PLCL1: variants seen among roughly 807,000 people sequenced by gnomAD.
The protein encoded by PLCL1 is phospholipase C like 1 (inactive), also known as inactive phospholipase C-like protein 1.
In PLCL1, 41 loss-of-function variants were observed where a neutral mutation model predicts 84.4. That is an observed-to-expected ratio of 0.49 (90% CI 0.38 to 0.63). PLCL1 has a LOEUF of 0.63. Among genes scored for constraint, PLCL1 ranks in the 30% least tolerant of loss-of-function variants. The pLI is 0.00. For missense variants in PLCL1, 1,206 were observed against 1,367.8 expected, an observed-to-expected ratio of 0.88 and a Z score of 1.87; for synonymous variants, 490 against 488.3, an observed-to-expected ratio of 1.00 and a Z score of -0.05.
intron 5 of PLCL1, among the ~76,000 whole-genome samples, chr2:198,128,609 G>A (rs1393407704): frequency 6.6e-6 from 1 of 152,074 alleles, no homozygotes; most frequent in African/African-American, 2.4e-5. Flanking sequence ...TCAAGTGCAG[G>A]GTCTGCAAAA....
At chr2:197,826,886 G>A (rs533333305) in intron 1 of PLCL1, among the ~76,000 whole-genome samples, 52 of 152,220 alleles carry the variant, frequency 3.4e-4, no homozygotes, top group African/African-American at 1.2e-3. Context: ...TTTCCTTCTC[G>A]TTTTTCATCT....
chr2:197,911,073 A>C (rs1688475910), intron 1 of PLCL1, among the ~76,000 whole-genome samples: 1 of 152,178 alleles, frequency 6.6e-6, no homozygotes, highest in Admixed American at 6.5e-5. Flanking sequence ...ACACTGATTC[A>C]GTCATCTTTT....
chr2:197,881,521 CTG>C (rs112582985), intron 1 of PLCL1, among the ~76,000 whole-genome samples: 98 of 150,976 alleles, frequency 6.5e-4, no homozygotes, highest in African/African-American at 2.2e-3. Flanking sequence ...GAACAGTGCT[CTG>C]TGTGTGTGTG....
At chr2:197,885,429 G>T (rs1277778186) in intron 1 of PLCL1, among the ~76,000 whole-genome samples, 2 of 152,112 alleles carry the variant, frequency 1.3e-5, no homozygotes, top group African/African-American at 4.8e-5. Flanking sequence ...GAGAAGGGGG[G>T]ACAAATTCCT....
chr2:197,953,619 T>C (rs1204249247), intron 1 of PLCL1, among the ~76,000 whole-genome samples: 2 of 151,928 alleles, frequency 1.3e-5, no homozygotes, highest in African/African-American at 2.4e-5. Flanking sequence ...CATATTGGAG[T>C]TCAGGTCTGA....
At chr2:198,059,219 A>G (rs915661875) in intron 1 of PLCL1, among the ~76,000 whole-genome samples, 7 of 152,308 alleles carry the variant, frequency 4.6e-5, no homozygotes, top group African/African-American at 1.7e-4. Flanking sequence ...AAATGTGTAT[A>G]CCTATGAAAA....
In PLCL1 at chr2:198,084,636, A is replaced by T. The variant is rs773564878; in HGVS notation, c.1119A>T (p.Ala373=). ...SEEGRQKGFL[A]IDGFTQYLLS... ...AGGGACGTCAAAAAGGGTTTCTTGC[A>T]ATTGATGGCTTTACCCAGTATTTAT... The change falls in exon 2 of 6, where the codon GCA becomes GCT. Residue 373 remains alanine, a synonymous_variant. Coordinates refer to ENST00000428675, the MANE Select transcript of PLCL1 (RefSeq NM_006226.4). The T allele has an allele frequency of 6.2e-7, 1 of 1,614,112 alleles. No homozygotes were observed. Among genetic ancestry groups the T allele is most frequent in the South Asian group, 1.1e-5 (1 of 91,078 alleles).
intron 1 of PLCL1, among the ~76,000 whole-genome samples, chr2:197,839,489 C>A (rs1342987568): frequency 6.6e-6 from 1 of 152,208 alleles, no homozygotes; most frequent in Non-Finnish European, 1.5e-5. Flanking sequence ...CTGTGAGAAT[C>A]TAATGCTGCC....
chr2:197,812,456 A>G (rs1334498473), intron 1 of PLCL1, among the ~76,000 whole-genome samples: 1 of 152,124 alleles, frequency 6.6e-6, no homozygotes, highest in Non-Finnish European at 1.5e-5. Context: ...CTTCACCAAC[A>G]TTTGTTGTTT....
At chr2:198,019,970 G>A (rs546913430) in intron 1 of PLCL1, among the ~76,000 whole-genome samples, 1 of 152,194 alleles carries the variant, frequency 6.6e-6, no homozygotes, top group Non-Finnish European at 1.5e-5. Context: ...AGGGAAAAAT[G>A]TTAAGGGCAG....
At chr2:197,852,519 G>A in intron 1 of PLCL1, among the ~76,000 whole-genome samples, 1 of 152,122 alleles carries the variant, frequency 6.6e-6, no homozygotes, top group Admixed American at 6.5e-5. Context: ...AGGAGATGAA[G>A]GTGTGTAACT....
chr2:197,836,919 T>A (rs958402735), intron 1 of PLCL1, among the ~76,000 whole-genome samples: 1 of 152,136 alleles, frequency 6.6e-6, no homozygotes, highest in Non-Finnish European at 1.5e-5. Context: ...GGGCTGGTGT[T>A]GAACTCCTAA....
intron 5 of PLCL1, among the ~76,000 whole-genome samples, chr2:198,140,776 C>G (rs1214332293): frequency 6.6e-6 from 1 of 152,012 alleles, no homozygotes; most frequent in African/African-American, 2.4e-5. Flanking sequence ...AAAGTGTCTT[C>G]TATACTTTAT....
intron 1 of PLCL1, among the ~76,000 whole-genome samples, chr2:197,892,579 G>A (rs1169933363): frequency 6.6e-6 from 1 of 152,176 alleles, no homozygotes; most frequent in Non-Finnish European, 1.5e-5. Flanking sequence ...GGGATTTAAT[G>A]TTTTTGTATA....
chr2:197,915,383 G>T (rs1362763302), intron 1 of PLCL1, among the ~76,000 whole-genome samples: 1 of 152,074 alleles, frequency 6.6e-6, no homozygotes, highest in Non-Finnish European at 1.5e-5. Context: ...TTTAAATGAG[G>T]AGCCAGTTTT....
chr2:197,828,283 A>G (rs1157212791), intron 1 of PLCL1, among the ~76,000 whole-genome samples: 2 of 152,158 alleles, frequency 1.3e-5, no homozygotes, highest in Non-Finnish European at 2.9e-5. Context: ...TTGAAATAGT[A>G]TAAATGCCAC....
intron 1 of PLCL1, among the ~76,000 whole-genome samples, chr2:197,922,623 C>T (rs1303314682): frequency 1.1e-4 from 15 of 139,792 alleles, no homozygotes; most frequent in East Asian, 2.4e-4. Flanking sequence ...CCGGACGGGG[C>T]GGCTGGCCGG....
chr2:197,807,734 G>A (rs1690512390), intron 1 of PLCL1, among the ~76,000 whole-genome samples: 1 of 152,042 alleles, frequency 6.6e-6, no homozygotes, highest in Non-Finnish European at 1.5e-5. Flanking sequence ...AAGAAGAAAA[G>A]CTTTAGTACA....
intron 1 of PLCL1, among the ~76,000 whole-genome samples, chr2:197,956,522 T>G (rs1689497585): frequency 6.6e-6 from 1 of 152,194 alleles, no homozygotes; most frequent in Non-Finnish European, 1.5e-5. Flanking sequence ...GTTGAACTAA[T>G]TTACATTCCT....
Sources: allele counts gnomAD v4.1 joint callset (sites outside exome capture counted in the v4.1 genomes callset), GRCh38; gene constraint gnomAD v4.1.1; transcripts MANE v1.5; gene names NCBI Gene and HGNC (gene_info 2026-07-23, HGNC 2026-07-21).